BAALC: variants seen among roughly 807,000 people sequenced by gnomAD.
BAALC encodes the protein BAALC binder of MAP3K1 and KLF4, also known as brain and acute leukemia cytoplasmic protein.
Under a neutral mutation model 15.5 loss-of-function variants are expected in BAALC, and 9 were observed. The ratio of observed to expected loss-of-function variants is 0.58; its 90% CI spans 0.35 to 1.02. The LOEUF (loss-of-function observed/expected upper bound fraction) is 1.02. Ranked by LOEUF, BAALC falls within the 50% of genes least tolerant of loss-of-function variation. The probability of loss-of-function intolerance (pLI) is 0.02; values close to 1 mark genes in which losing one functional copy is unlikely to be tolerated. For missense variants in BAALC, 201 were observed against 192.4 expected (o/e 1.04, Z -0.27); for synonymous variants, 80 against 74.6 (o/e 1.07, Z -0.37).
chr8:103,150,389 G>A (rs970657374), intron 1 of BAALC, among the ~76,000 whole-genome samples: 1 of 152,060 alleles, frequency 6.6e-6, no homozygotes, highest in Admixed American at 6.6e-5. Flanking sequence ...GTGTCTGTGT[G>A]TGTGTGTGTG....
chr8:103,174,234 T>C (rs1284940521), intron 1 of BAALC, among the ~76,000 whole-genome samples: 1 of 148,020 alleles, frequency 6.8e-6, no homozygotes, highest in Non-Finnish European at 1.5e-5. Flanking sequence ...CCAATTTGGT[T>C]GTCAGGGAAA....
chr8:103,150,810 T>C (rs1160252210), intron 1 of BAALC, among the ~76,000 whole-genome samples: 1 of 152,130 alleles, frequency 6.6e-6, no homozygotes, highest in East Asian at 1.9e-4. Context: ...GCCATTATCC[T>C]GAATTCTGAT....
chr8:103,220,866 CTCACACA>C (rs1348320551), intron 2 of BAALC, among the ~76,000 whole-genome samples: 26 of 152,198 alleles, frequency 1.7e-4, no homozygotes, highest in Admixed American at 1.7e-3. Flanking sequence ...AAATTGGTGT[CTCACACA>C]TCATAATCTC....
chr8:103,175,809 C>A (rs1015410261), intron 1 of BAALC, among the ~76,000 whole-genome samples: 10 of 152,210 alleles, frequency 6.6e-5, no homozygotes, highest in Non-Finnish European at 1.3e-4. Context: ...CAGAGCCACA[C>A]TGGGGGTATC....
At chr8:103,178,758 G>A (rs1026165851) in intron 1 of BAALC, among the ~76,000 whole-genome samples, 1 of 151,652 alleles carries the variant, frequency 6.6e-6, no homozygotes, top group African/African-American at 2.4e-5. Flanking sequence ...TCAGGAGGCT[G>A]AGGCAAGAGA....
chr8:103,211,336 G>T (rs13277869), intron 1 of BAALC, among the ~76,000 whole-genome samples: 86,313 of 151,992 alleles, frequency 0.57, 24,771 homozygotes, highest in Non-Finnish European at 0.61. Context: ...TTCAGCTCAC[G>T]AAACTGCTCT....
intron 2 of BAALC, among the ~76,000 whole-genome samples, chr8:103,224,343 G>A (rs1215615902): frequency 2.1e-5 from 3 of 144,718 alleles, no homozygotes; most frequent in Non-Finnish European, 4.5e-5. Flanking sequence ...ATATTTTAGG[G>A]AGGCATGAGA....
intron 1 of BAALC, among the ~76,000 whole-genome samples, chr8:103,150,359 G>A (rs1810960650): frequency 1.3e-5 from 2 of 151,084 alleles, no homozygotes; most frequent in African/African-American, 4.8e-5. Flanking sequence ...GTGTCTGTGT[G>A]TCTGTGTGTA....
chr8:103,193,114 C>T (rs553303334), intron 1 of BAALC, among the ~76,000 whole-genome samples: 121 of 152,286 alleles, frequency 7.9e-4, no homozygotes, highest in African/African-American at 2.7e-3. Context: ...TAGCCAAGCC[C>T]CCAATTATCT....
chr8:103,189,507 G>A (rs531835166), intron 1 of BAALC, among the ~76,000 whole-genome samples: 3 of 151,370 alleles, frequency 2.0e-5, no homozygotes, highest in Admixed American at 1.3e-4. Flanking sequence ...CAGCCCAGCT[G>A]GGGGGAGAAA....
intron 1 of BAALC, 88 bp from the exon 2 acceptor site, chr8:103,212,831 G>T: frequency 7.1e-7 from 1 of 1,413,828 alleles, no homozygotes; most frequent in South Asian, 1.6e-5. Flanking sequence ...TTTTCATTTT[G>T]ACTATCTGTT....
At chr8:103,168,513 T>G (rs1811401643) in intron 1 of BAALC, among the ~76,000 whole-genome samples, 2 of 77,052 alleles carry the variant, frequency 2.6e-5, no homozygotes, top group African/African-American at 9.0e-5. Flanking sequence ...ATGTGTTTGT[T>G]TTTTTTTTTT....
Position 103,213,081 on chromosome 8 carries a change from C to T in BAALC, c.323C>T (p.Thr108Ile), listed in dbSNP as rs750216385. The change falls in exon 2 of 3, where the codon ACA (threonine) becomes ATA (isoleucine). Residue 108 changes from threonine (T) to isoleucine (I), a missense_variant. Thr to Ile is a moderately conservative substitution (Grantham distance 89). Coordinates refer to ENST00000309982, the MANE Select transcript of BAALC (RefSeq NM_024812.3). ...LTQKQNGLQT[T>I]EAKRDAKRMP... ...CAGAAACAGAATGGCCTTCAGACCA[C>T]AGAGGTAGGGTTGCAGCCACAGAAT... The T allele has an allele frequency of 1.9e-6, 3 of 1,613,780 alleles. No homozygotes were observed. The highest frequency in any genetic ancestry group is 2.2e-5 in the South Asian group (2 of 91,032).
At chr8:103,177,639 G>A (rs1374172752) in intron 1 of BAALC, among the ~76,000 whole-genome samples, 1 of 152,168 alleles carries the variant, frequency 6.6e-6, no homozygotes, top group Non-Finnish European at 1.5e-5. Context: ...AATAGGGCAA[G>A]GTGGTGCTTG....
chr8:103,205,412 T>C (rs947266020), intron 1 of BAALC, among the ~76,000 whole-genome samples: 14 of 152,150 alleles, frequency 9.2e-5, no homozygotes, highest in African/African-American at 3.4e-4. Context: ...AAACAAGAAA[T>C]ACTCTAGGGG....
chr8:103,204,358 T>C (rs939561542), intron 1 of BAALC, among the ~76,000 whole-genome samples: 2 of 152,244 alleles, frequency 1.3e-5, no homozygotes, highest in African/African-American at 4.8e-5. Context: ...TTTCTCCTAT[T>C]CTGTGGATTG....
At chr8:103,225,852 A>G (rs1274456633) in intron 2 of BAALC, among the ~76,000 whole-genome samples, 1 of 152,164 alleles carries the variant, frequency 6.6e-6, no homozygotes, top group Non-Finnish European at 1.5e-5. Context: ...GGCAGAGTAA[A>G]GGGGATCTAG....
At chr8:103,164,420 C>T (rs1252264682) in intron 1 of BAALC, among the ~76,000 whole-genome samples, 1 of 152,160 alleles carries the variant, frequency 6.6e-6, no homozygotes, top group African/African-American at 2.4e-5. Flanking sequence ...CTAAACCTCT[C>T]GTTTACTTCT....
At chr8:103,172,157 G>A (rs1337079845) in intron 1 of BAALC, 6 of 150,740 alleles carry the variant, frequency 4.0e-5, no homozygotes, top group Admixed American at 4.0e-4. Flanking sequence ...CCATGGGGAA[G>A]TGTTTGGGAA....
Sources: allele counts gnomAD v4.1 joint callset (sites outside exome capture counted in the v4.1 genomes callset), GRCh38; gene constraint gnomAD v4.1.1; transcripts MANE v1.5; gene names NCBI Gene and HGNC (gene_info 2026-07-23, HGNC 2026-07-21).